PACRG: variants seen among roughly 807,000 people sequenced by gnomAD.
The protein encoded by PACRG is parkin coregulated, also known as parkin coregulated gene protein.
Under a neutral mutation model 29.7 loss-of-function variants are expected in PACRG, and 29 were observed. The ratio of observed to expected loss-of-function variants is 0.98; its 90% confidence interval spans 0.73 to 1.33. The LOEUF (loss-of-function observed/expected upper bound fraction) is 1.33. Ranked by LOEUF, PACRG falls within the 40% of genes most tolerant of loss-of-function variation. The pLI, the probability that PACRG is intolerant of heterozygous loss-of-function variation, is 0.00. For missense variants in PACRG, 279 were observed against 316.2 expected, an observed-to-expected ratio of 0.88 and a Z score of 0.89; for synonymous variants, 116 against 118.7, an observed-to-expected ratio of 0.98 and a Z score of 0.15.
chr6:163,163,260 G>GTTT (rs1468584498), intron 4 of PACRG, among the ~76,000 whole-genome samples: 2 of 151,834 alleles, frequency 1.3e-5, no homozygotes, highest in African/African-American at 4.8e-5. Flanking sequence ...TTTTTTTGTT[G>GTTT]TTTTTTGTTG....
intron 2 of PACRG, among the ~76,000 whole-genome samples, chr6:162,851,073 G>A (rs1200464263): frequency 6.6e-6 from 1 of 152,228 alleles, no homozygotes; most frequent in Non-Finnish European, 1.5e-5. Context: ...TGTTGACTGC[G>A]GCGGCAGTGG....
intron 4 of PACRG, among the ~76,000 whole-genome samples, chr6:163,281,361 A>C (rs1156895646): frequency 6.6e-6 from 1 of 152,200 alleles, no homozygotes; most frequent in Non-Finnish European, 1.5e-5. Flanking sequence ...ACTTTGCCTC[A>C]GCACAGTCCT....
intron 4 of PACRG, among the ~76,000 whole-genome samples, chr6:163,265,194 A>C (rs575185986): frequency 3.3e-5 from 5 of 152,296 alleles, no homozygotes; most frequent in African/African-American, 9.6e-5. Flanking sequence ...TAATTTCCTG[A>C]CTAATGATAG....
At chr6:162,734,481 G>T (rs1394389809) in intron 1 of PACRG, among the ~76,000 whole-genome samples, 1 of 149,550 alleles carries the variant, frequency 6.7e-6, no homozygotes, top group Non-Finnish European at 1.5e-5. Flanking sequence ...TCAAATTTAG[G>T]AATTCCTATC....
At chr6:163,116,977 G>T (rs557080062) in intron 4 of PACRG, among the ~76,000 whole-genome samples, 3 of 152,288 alleles carry the variant, frequency 2.0e-5, no homozygotes, top group East Asian at 3.9e-4. Flanking sequence ...GGCTCTCCAT[G>T]CCTGTCCCGT....
chr6:162,928,467 T>C (rs1206365681), intron 2 of PACRG, among the ~76,000 whole-genome samples: 1 of 152,032 alleles, frequency 6.6e-6, no homozygotes, highest in Non-Finnish European at 1.5e-5. Flanking sequence ...AAGAAACTAT[T>C]TTTAAATTTT....
At chr6:163,289,944 T>C (rs1310117809) in intron 4 of PACRG, among the ~76,000 whole-genome samples, 3 of 152,070 alleles carry the variant, frequency 2.0e-5, no homozygotes, top group African/African-American at 7.2e-5. Flanking sequence ...GCCTCCCAGG[T>C]TCAAGTGATT....
intron 2 of PACRG, among the ~76,000 whole-genome samples, chr6:162,934,885 C>T (rs976809469): frequency 2.6e-4 from 39 of 152,096 alleles, no homozygotes; most frequent in Non-Finnish European, 3.8e-4. Flanking sequence ...GATGAATTTC[C>T]CTCAGTTTTT....
At chr6:163,293,251 T>C (rs1784676608) in intron 4 of PACRG, among the ~76,000 whole-genome samples, 1 of 152,222 alleles carries the variant, frequency 6.6e-6, no homozygotes, top group South Asian at 2.1e-4. Flanking sequence ...CCTTAAATCC[T>C]TCCTGGCAGG....
chr6:163,225,765 T>C (rs1361367904), intron 4 of PACRG, among the ~76,000 whole-genome samples: 1 of 152,232 alleles, frequency 6.6e-6, no homozygotes, highest in African/African-American at 2.4e-5. Context: ...CACTTTCATT[T>C]TCATTGCAGC....
At chr6:163,267,518 C>T (rs975184028) in intron 4 of PACRG, among the ~76,000 whole-genome samples, 5 of 152,124 alleles carry the variant, frequency 3.3e-5, no homozygotes, top group South Asian at 2.1e-4. Context: ...TAATGAAAAG[C>T]GTAAGTTATC....
chr6:163,253,840 G>C (rs867978026), intron 4 of PACRG, among the ~76,000 whole-genome samples: 1 of 152,208 alleles, frequency 6.6e-6, no homozygotes, highest in Admixed American at 6.5e-5. Flanking sequence ...CTCCTCCAAA[G>C]GACGTGCTCC....
intron 4 of PACRG, among the ~76,000 whole-genome samples, chr6:163,121,663 C>CTTTTTT (rs771976364): frequency 7.9e-6 from 1 of 126,198 alleles, no homozygotes; most frequent in African/African-American, 2.9e-5. Flanking sequence ...TCTCGGTAAT[C>CTTTTTT]TTTTTTTTTT....
At chr6:163,177,146 A>G (rs906143669) in intron 4 of PACRG, among the ~76,000 whole-genome samples, 7 of 152,238 alleles carry the variant, frequency 4.6e-5, no homozygotes, top group African/African-American at 9.6e-5. Context: ...AAATAACAAC[A>G]TAACAGACGC....
intron 4 of PACRG, chr6:163,184,746 A>G: frequency 6.6e-6 from 1 of 152,190 alleles, no homozygotes; most frequent in East Asian, 1.9e-4. Flanking sequence ...AAGAAATGCA[A>G]CTTTGCCTAC....
chr6:163,222,344 C>A (rs1232921665), intron 4 of PACRG, among the ~76,000 whole-genome samples: 3 of 152,164 alleles, frequency 2.0e-5, no homozygotes, highest in African/African-American at 7.2e-5. Flanking sequence ...ATGTGTGAGG[C>A]CGAGGCGGGT....
chr6:163,299,145 G>C (rs558327332), intron 4 of PACRG, among the ~76,000 whole-genome samples: 9 of 152,278 alleles, frequency 5.9e-5, no homozygotes, highest in African/African-American at 2.2e-4. Flanking sequence ...AACACAGCTG[G>C]TCTTCTTGAA....
chr6:163,024,223 T>C (rs903159109), intron 2 of PACRG, among the ~76,000 whole-genome samples: 2 of 152,210 alleles, frequency 1.3e-5, no homozygotes, highest in Non-Finnish European at 2.9e-5. Flanking sequence ...AAATCTTTAA[T>C]CTATTTTGAA....
At chr6:162,918,125 A>G (rs947081991) in intron 2 of PACRG, among the ~76,000 whole-genome samples, 2 of 152,198 alleles carry the variant, frequency 1.3e-5, no homozygotes, top group East Asian at 3.8e-4. Context: ...TTATAAATCA[A>G]TTTTCTCCTC....
Sources: gnomAD v4.1 joint callset for allele counts (sites outside exome capture counted in the v4.1 genomes callset) on GRCh38, gnomAD v4.1.1 for gene constraint, MANE v1.5 for transcripts, NCBI Gene and HGNC (gene_info 2026-07-23, HGNC 2026-07-21) for gene names.